Variants in NAV3 observed in about 807,000 individuals in gnomAD.
NAV3 encodes neuron navigator 3.
Under a neutral mutation model 244.7 loss-of-function variants are expected in NAV3, and 87 were observed. The observed-to-expected ratio is 0.36, with a 90% CI of 0.30 to 0.42. NAV3 has a LOEUF of 0.42. NAV3 is among the 20% of genes least tolerant of loss of function. The pLI is 1.00. For synonymous variants in NAV3, 1,126 were observed against 1,042.2 expected, an observed-to-expected ratio of 1.08 and a Z score of -1.55; for missense variants, 2,663 against 2,893.3, an observed-to-expected ratio of 0.92 and a Z score of 1.83.
At chr12:77,881,812 A>G (rs1263047335) in intron 1 of NAV3, among the ~76,000 whole-genome samples, 1 of 152,128 alleles carries the variant, frequency 6.6e-6, no homozygotes, top group Non-Finnish European at 1.5e-5. Context: ...TCAAGCACAC[A>G]ATGCCACTTA....
chr12:78,064,725 G>C (rs944423118), intron 12 of NAV3, among the ~76,000 whole-genome samples: 2 of 151,764 alleles, frequency 1.3e-5, no homozygotes, highest in African/African-American at 4.8e-5. Context: ...TATATGTGCT[G>C]GATTAAAGTA....
At chr12:77,771,337 A>C (rs1262589085) in intron 2 of NAV3, among the ~76,000 whole-genome samples, 7 of 152,342 alleles carry the variant, frequency 4.6e-5, no homozygotes, top group Non-Finnish European at 1.0e-4. Flanking sequence ...TAGTTCAACC[A>C]TTGTGGAAGT....
chr12:77,666,438 C>T (rs535110196), intron 2 of NAV3, among the ~76,000 whole-genome samples: 31 of 151,760 alleles, frequency 2.0e-4, no homozygotes, highest in Admixed American at 4.6e-4. Context: ...TGAAGAGAGA[C>T]GCTATTTAAT....
At chr12:77,833,821 C>T (rs1874135633) in intron 1 of NAV3, among the ~76,000 whole-genome samples, 1 of 152,136 alleles carries the variant, frequency 6.6e-6, no homozygotes, top group Admixed American at 6.5e-5. Context: ...GGTGATTTTC[C>T]TCTGGAGTTG....
chr12:77,999,772 G>A (rs1380799521), intron 7 of NAV3, among the ~76,000 whole-genome samples: 1 of 151,932 alleles, frequency 6.6e-6, no homozygotes, highest in African/African-American at 2.4e-5. Context: ...TGGGGCTAAG[G>A]GAGGTGACAG....
At chr12:77,844,742 A>C (rs1313960075) in intron 1 of NAV3, among the ~76,000 whole-genome samples, 1 of 152,172 alleles carries the variant, frequency 6.6e-6, no homozygotes, top group Non-Finnish European at 1.5e-5. Flanking sequence ...ATACATGGGC[A>C]TACTTATTCA....
At chr12:77,821,608 C>T (rs1057289015) in intron 2 of NAV3, among the ~76,000 whole-genome samples, 1 of 152,048 alleles carries the variant, frequency 6.6e-6, no homozygotes, top group Non-Finnish European at 1.5e-5. Context: ...TTTTGAATGG[C>T]TTGGCTTTGG....
intron 12 of NAV3, among the ~76,000 whole-genome samples, chr12:78,075,409 G>A (rs879478091): frequency 3.3e-5 from 5 of 151,742 alleles, no homozygotes; most frequent in Admixed American, 2.0e-4. Flanking sequence ...TACTAAAACC[G>A]ACTTGAGAAA....
chr12:78,089,681 A>G (rs1953821438), intron 12 of NAV3, among the ~76,000 whole-genome samples: 1 of 152,106 alleles, frequency 6.6e-6, no homozygotes, highest in Non-Finnish European at 1.5e-5. Flanking sequence ...GTATGATGAG[A>G]TACTAGTTGA....
At chr12:77,773,635 A>G (rs1870208852) in intron 2 of NAV3, among the ~76,000 whole-genome samples, 1 of 152,196 alleles carries the variant, frequency 6.6e-6, no homozygotes, top group African/African-American at 2.4e-5. Flanking sequence ...CTATGAATAA[A>G]TATAAAGCAG....
At chr12:77,859,884 C>T (rs1879002425) in intron 1 of NAV3, among the ~76,000 whole-genome samples, 1 of 150,562 alleles carries the variant, frequency 6.6e-6, no homozygotes, top group South Asian at 2.1e-4. Context: ...TCATAATTCT[C>T]ATTTTTTAAT....
rs563562433 is a variant in NAV3, at chr12:77,848,465, G to A, written c.243+16761G>A. Among the ~76,000 whole-genome samples, 5 of 152,326 alleles carry A rather than the reference G, an allele frequency of 3.3e-5. No homozygotes were observed. In the South Asian group the frequency reaches 1.0e-3, roughly 32 times the overall value. On this transcript the variant is annotated intron_variant, in intron 1 of 39. Transcript: ENST00000397909. ...ATGAATATAAGATCCATCCTGCAGAGTAACTTCTAAGGCTTGCCCAAAAAT... is the reference window on the plus strand; with the variant it reads ...ATGAATATAAGATCCATCCTGCAGAATAACTTCTAAGGCTTGCCCAAAAAT...
intron 2 of NAV3, among the ~76,000 whole-genome samples, chr12:77,741,419 C>A (rs1868334855): frequency 1.3e-5 from 2 of 152,138 alleles, no homozygotes; most frequent in South Asian, 4.1e-4. Context: ...ATACTGGTCA[C>A]ACACACATTC....
intron 2 of NAV3, among the ~76,000 whole-genome samples, chr12:77,788,062 A>C (rs1489184491): frequency 1.3e-5 from 2 of 152,210 alleles, no homozygotes; most frequent in East Asian, 3.9e-4. Context: ...TTGACTCCAC[A>C]AGTTATTAAT....
chr12:78,067,355 T>G (rs1885138501), intron 12 of NAV3, among the ~76,000 whole-genome samples: 1 of 152,096 alleles, frequency 6.6e-6, no homozygotes, highest in African/African-American at 2.4e-5. Flanking sequence ...GCCTGCCTTT[T>G]CTGCCCACAT....
At chr12:77,641,323 G>C (rs2136953652) in intron 2 of NAV3, among the ~76,000 whole-genome samples, 2 of 152,128 alleles carry the variant, frequency 1.3e-5, no homozygotes, top group South Asian at 4.1e-4. Flanking sequence ...CCAAAGCCGA[G>C]TTGGGATGAC....
chr12:77,633,524 A>G (rs772269381), intron 2 of NAV3, among the ~76,000 whole-genome samples: 11 of 152,130 alleles, frequency 7.2e-5, no homozygotes, highest in African/African-American at 2.2e-4. Flanking sequence ...TGTATATTGT[A>G]TTGACACTTG....
intron 1 of NAV3, among the ~76,000 whole-genome samples, chr12:77,862,429 G>A (rs113827948): frequency 6.6e-6 from 1 of 151,672 alleles, no homozygotes; most frequent in Non-Finnish European, 1.5e-5. Context: ...GAGTTTTGGG[G>A]GAGGTGAAGG....
At chr12:77,645,899 ACTGTATC>A (rs763347103) in intron 2 of NAV3, among the ~76,000 whole-genome samples, 2 of 152,140 alleles carry the variant, frequency 1.3e-5, no homozygotes, top group Non-Finnish European at 2.9e-5. Context: ...AGGCTAGGAC[ACTGTATC>A]AGGCAAAGTG....
Sources: gnomAD v4.1 joint callset for allele counts (sites outside exome capture counted in the v4.1 genomes callset) on GRCh38, gnomAD v4.1.1 for gene constraint, MANE v1.5 for transcripts, NCBI Gene and HGNC (gene_info 2026-07-23, HGNC 2026-07-21) for gene names.